Variants in TAFA5 observed in about 807,000 individuals in gnomAD.
The protein encoded by TAFA5 is TAFA chemokine like family member 5, also known as chemokine-like protein TAFA-5.
In TAFA5, 6 loss-of-function variants were observed where a neutral mutation model predicts 15.3. The observed-to-expected ratio is 0.39, with a 90% confidence interval of 0.21 to 0.77. The LOEUF is 0.77. TAFA5 is among the 30% of genes least tolerant of loss of function. The pLI is 0.41. For missense variants in TAFA5, 161 were observed against 193.1 expected, an observed-to-expected ratio of 0.83 and a Z score of 0.98; for synonymous variants, 103 against 80.7, an observed-to-expected ratio of 1.28 and a Z score of -1.48.
intron 1 of TAFA5, among the ~76,000 whole-genome samples, chr22:48,557,317 G>A (rs1923075077): frequency 6.6e-6 from 1 of 152,292 alleles, no homozygotes; most frequent in Admixed American, 6.5e-5. Flanking sequence ...GCACAGAGGG[G>A]CCACCCTGTG....
At chr22:48,653,630 C>T (rs1016733435) in intron 2 of TAFA5, among the ~76,000 whole-genome samples, 3 of 152,192 alleles carry the variant, frequency 2.0e-5, no homozygotes, top group Admixed American at 6.5e-5. Flanking sequence ...GCAAGTTACC[C>T]AGCAGTTCCT....
At chr22:48,732,926 C>T (rs1398736783) in intron 3 of TAFA5, among the ~76,000 whole-genome samples, 2 of 152,132 alleles carry the variant, frequency 1.3e-5, no homozygotes, top group Non-Finnish European at 2.9e-5. Context: ...CTCAGATGAT[C>T]CTTAGCATTT....
intron 1 of TAFA5, among the ~76,000 whole-genome samples, chr22:48,643,959 C>T (rs1217907437): frequency 1.3e-5 from 2 of 152,234 alleles, no homozygotes; most frequent in African/African-American, 4.8e-5. Context: ...AGTGACTTTC[C>T]TTCTGCGTAA....
At position 48,490,459 on chromosome 22, in the gene TAFA5, T is replaced by G. The variant is rs1601830180; in HGVS notation, c.112+755T>G. 6.9e-6 allele frequency among the ~76,000 whole-genome samples: 1 copy of G among 143,940 alleles called. No homozygotes were observed. The allele number at this position is 143,940 out of a possible 152,430, so 94.4% of individuals were successfully genotyped here. The stretch of plus-strand genomic sequence containing the variant: ...GCTCCCTGTTGCCTGGAGTGAAGGG[T>G]GGGGGGTGGCCTGTGCCCCTGCCGA... On this transcript the variant is annotated intron_variant, in intron 1 of 3. Coordinates refer to ENST00000402357, the MANE Select transcript of TAFA5 (RefSeq NM_001082967.3). The surrounding 1 kb of genome is among the most constrained non-coding windows in gnomAD (Gnocchi z 5.8).
At chr22:48,529,792 TG>T (rs1328492401) in intron 1 of TAFA5, among the ~76,000 whole-genome samples, 12 of 152,024 alleles carry the variant, frequency 7.9e-5, no homozygotes, top group Middle Eastern at 3.4e-3. Context: ...GGAGGGTGTG[TG>T]GTCAGGCCCC....
Position 48,623,244 on chromosome 22 carries a change from CCG to C in TAFA5, c.113-23350_113-23349del, listed in dbSNP as rs1925905886. Among the ~76,000 whole-genome samples, 14 of 110,276 alleles carry C rather than the reference CCG, an allele frequency of 1.3e-4. 1 individual carries two copies. The highest frequency in any genetic ancestry group is 5.0e-4 in the African/African-American group (14 of 28,060). The allele number at this position is 110,276 out of a possible 152,430, so 72.3% of individuals were successfully genotyped here. On this transcript the variant is annotated intron_variant, in intron 1 of 3. Coordinates refer to ENST00000402357, the MANE Select transcript of TAFA5 (RefSeq NM_001082967.3). ...GCGGTGACCTGTGGGACGGGACGTG[CCG>C]CGTGGCCCTGCGCGGTGACCTGTGG...
intron 2 of TAFA5, among the ~76,000 whole-genome samples, chr22:48,696,628 T>C (rs1218233495): frequency 6.6e-6 from 1 of 152,208 alleles, no homozygotes; most frequent in East Asian, 1.9e-4. Context: ...GGGGAAACCC[T>C]GAAGGATCCC....
chr22:48,542,194 ATG>A (rs753045478), intron 1 of TAFA5, among the ~76,000 whole-genome samples: 13 of 101,648 alleles, frequency 1.3e-4, no homozygotes, highest in Non-Finnish European at 2.5e-4. Flanking sequence ...TGTCGTGTGT[ATG>A]TGTGTGTGAT....
intron 3 of TAFA5, among the ~76,000 whole-genome samples, chr22:48,739,680 T>C (rs1276571585): frequency 6.6e-6 from 1 of 152,122 alleles, no homozygotes; most frequent in Non-Finnish European, 1.5e-5. Flanking sequence ...AGGTTAACAA[T>C]GACCAATAAA....
At chr22:48,515,109 G>A (rs894879233) in intron 1 of TAFA5, among the ~76,000 whole-genome samples, 8 of 150,474 alleles carry the variant, frequency 5.3e-5, no homozygotes, top group African/African-American at 2.0e-4. Flanking sequence ...TCAGCAGTGG[G>A]TGAAGAACCT....
At chr22:48,596,491 T>A (rs1231546583) in intron 1 of TAFA5, among the ~76,000 whole-genome samples, 1 of 152,232 alleles carries the variant, frequency 6.6e-6, no homozygotes, top group Non-Finnish European at 1.5e-5. Context: ...ACAGGCTTTA[T>A]GTTTTAGGGC....
intron 1 of TAFA5, among the ~76,000 whole-genome samples, chr22:48,579,434 C>A (rs536757553): frequency 6.6e-6 from 1 of 152,262 alleles, no homozygotes; most frequent in African/African-American, 2.4e-5. Context: ...GGTGTGTGCA[C>A]GTGCTGTGTC....
chr22:48,657,742 C>T (rs867373758), intron 2 of TAFA5, among the ~76,000 whole-genome samples: 5 of 152,072 alleles, frequency 3.3e-5, no homozygotes, highest in African/African-American at 4.8e-5. Context: ...TATGTAAAGG[C>T]GCTCTGTGAA....
At chr22:48,584,204 CACACAAAAT>C (rs1924232486) in intron 1 of TAFA5, among the ~76,000 whole-genome samples, 1 of 149,208 alleles carries the variant, frequency 6.7e-6, no homozygotes, top group Non-Finnish European at 1.5e-5. Context: ...AAATACACAA[CACACAAAAT>C]ACACCACATA....
At chr22:48,744,793 C>T (rs1380693951) in intron 3 of TAFA5, among the ~76,000 whole-genome samples, 1 of 152,118 alleles carries the variant, frequency 6.6e-6, no homozygotes, top group Non-Finnish European at 1.5e-5. Flanking sequence ...AGTTTTCACT[C>T]TTGTTGCCCA....
chr22:48,701,901 C>T (rs115530376), intron 2 of TAFA5, among the ~76,000 whole-genome samples: 35 of 152,338 alleles, frequency 2.3e-4, no homozygotes, highest in African/African-American at 8.2e-4. Flanking sequence ...TGACGAGGGT[C>T]TAGGTGCAGC....
At chr22:48,704,758 TCTC>T (rs531860491) in intron 2 of TAFA5, among the ~76,000 whole-genome samples, 19 of 151,432 alleles carry the variant, frequency 1.3e-4, no homozygotes, top group African/African-American at 4.4e-4. Flanking sequence ...TGTCTCCTGG[TCTC>T]CTGGCTGTCT....
intron 1 of TAFA5, among the ~76,000 whole-genome samples, chr22:48,562,854 C>G (rs1387489231): frequency 6.6e-6 from 1 of 152,202 alleles, no homozygotes; most frequent in Non-Finnish European, 1.5e-5. Context: ...GAAAACTCCC[C>G]CAAACCACAC....
intron 1 of TAFA5, among the ~76,000 whole-genome samples, chr22:48,511,008 T>G (rs748359364): frequency 5.9e-5 from 9 of 152,228 alleles, no homozygotes; most frequent in Non-Finnish European, 1.3e-4. Flanking sequence ...CTGGCCCACA[T>G]GGATATTGCT....
Sources: gnomAD v4.1 joint callset for allele counts (sites outside exome capture counted in the v4.1 genomes callset) on GRCh38, gnomAD v4.1.1 for gene constraint, Gnocchi (gnomAD v3.1) non-coding constraint, MANE v1.5 for transcripts, NCBI Gene and HGNC (gene_info 2026-07-23, HGNC 2026-07-21) for gene names.